The following CACNA1F variants were observed in gnomAD, a reference collection of about 807,000 sequenced individuals.
The protein encoded by CACNA1F is calcium voltage-gated channel subunit alpha1 F.
CACNA1F carries 59 observed loss-of-function variants against 143.8 expected under a neutral mutation model. The observed-to-expected ratio is 0.41, with a 90% confidence interval of 0.33 to 0.51. The LOEUF (loss-of-function observed/expected upper bound fraction) is 0.51, where lower values mean the gene tolerates loss of function less well. CACNA1F is among the 20% of genes least tolerant of loss of function. The probability of loss-of-function intolerance (pLI) is 0.22; values close to 1 mark genes in which losing one functional copy is unlikely to be tolerated. For missense variants in CACNA1F, 1,411 were observed against 1,647.5 expected (o/e 0.86, Z 2.48); for synonymous variants, 643 against 649.1 (o/e 0.99, Z 0.14).
Position 49,230,984 on chromosome X carries a change from C to A in CACNA1F, c.387G>T (p.Gln129His). 8.8e-7 allele frequency: 1 copy of A among 1,140,743 alleles called. No individual in the cohort carries two copies. The highest frequency in any genetic ancestry group is 1.2e-6 in the Non-Finnish European group (1 of 839,065). 94.0% of individuals were successfully genotyped at this position (1,140,743 alleles called of 1,213,427 possible). Residue 129 changes from glutamine to histidine, a missense_variant, in exon 4 of 48, where the codon CAG (glutamine) becomes CAT (histidine). Gln to His is a conservative substitution (Grantham distance 24, BLOSUM62 0). This residue lies in a region of CACNA1F where 950 missense variants were observed against 1,128.1 expected (regional missense o/e 0.84). Coordinates refer to ENST00000323022, the MANE Select transcript of CACNA1F (RefSeq NM_001256789.3). ...AAATCACCAGGAATACGTACTCCAC[C>A]TGCTCCTGGGGGTGGGACCGGGGGG... ...DSNTANHNLE[Q>H]VEYVFLVIFT... is the part of the protein sequence containing the mutation.
chrX:49,219,623 C>T lies in CACNA1F; in HGVS notation c.2543+11G>A, dbSNP rs367587853. ...CCTCCTGCCTCACCCCCTGCCACTT[C>T]CGGCACTCACGGGTTGGTTTGGCTG... On this transcript the variant is annotated intron_variant, in intron 20 of 47. Transcript: ENST00000323022. The T allele has an allele frequency of 8.4e-6, 10 of 1,196,387 alleles. No homozygotes were observed. Among genetic ancestry groups the T allele is most frequent in the East Asian group, 3.0e-5 (1 of 33,095 alleles).
Position 49,209,661 on chromosome X carries a change from C to T in CACNA1F, c.4789G>A (p.Asp1597Asn). The change falls in exon 41 of 48, where the codon GAC becomes AAC. Residue 1597 changes from aspartate (D) to asparagine (N), a missense_variant. Physicochemically the swap from Asp to Asn is conservative, Grantham distance 23. Transcript: ENST00000323022. Reference sequence around the variant, plus strand: ...GCGGAAGAGGTGCTAGGGGCGGCGTCGTTGCCTAGTAGCCCTTTTTCTTTC... The same window carrying T: ...GCGGAAGAGGTGCTAGGGGCGGCGTTGTTGCCTAGTAGCCCTTTTTCTTTC... The part of the protein sequence containing the change: ...RRKEKGLLGN[D>N]AAPSTSSALQ... 2 of 1,210,929 alleles carry T rather than the reference C, an allele frequency of 1.7e-6. No individual in the cohort carries two copies. The highest frequency in any genetic ancestry group is 5.9e-5 in the East Asian group (2 of 33,805).
chrX:49,217,220 A>G (rs1170561089), intron 26 of CACNA1F, among the ~76,000 whole-genome samples: 2 of 112,588 alleles, frequency 1.8e-5, no homozygotes, highest in Non-Finnish European at 3.8e-5. Context: ...TGGCCTCCCA[A>G]AGTGCTGGGA....
intron 27 of CACNA1F, among the ~76,000 whole-genome samples, chrX:49,215,787 C>A (rs1293814380): frequency 9.1e-6 from 1 of 109,853 alleles, no homozygotes; most frequent in African/African-American, 3.3e-5. Context: ...TAGAGTCCTC[C>A]AGAGAATCTC....
Position 49,222,581 on chromosome X carries a change from A to T in CACNA1F, c.2229T>A (p.Leu743=), listed in dbSNP as rs2065783660. ...CGNYILLNVF[L]AIAVDNLASG... is the part of the protein sequence containing the mutation. ...TGGCCAGGTTGTCCACAGCAATGGC[A>T]AGAAACACGTTCAACAGGATGTCTG... is the stretch of plus-strand genomic sequence containing the variant. The change falls in exon 17 of 48, where the codon CTT becomes CTA. Residue 743 remains leucine (L), a synonymous_variant. Transcript: ENST00000323022. 2.5e-6 allele frequency: 3 copies of T among 1,211,137 alleles called. No individual in the cohort carries two copies. Among genetic ancestry groups the T allele is most frequent in the Non-Finnish European group, 3.4e-6 (3 of 895,152 alleles).
intron 46 of CACNA1F, 92 bp downstream of exon 46, chrX:49,206,419 A>G (rs959141405): frequency 4.0e-5 from 17 of 420,056 alleles, no homozygotes; most frequent in Non-Finnish European, 6.5e-5. Flanking sequence ...AAAAAAAAAA[A>G]GGGCCTGATA....
chrX:49,219,864 G>A (rs2065760233), intron 19 of CACNA1F, 74 bp from the exon 20 acceptor site: 2 of 627,918 alleles, frequency 3.2e-6, no homozygotes, highest in South Asian at 2.4e-5. Flanking sequence ...TGTTTGCCAC[G>A]TGGTCAATTC....
Position 49,214,183 on chromosome X carries a change from G to T in CACNA1F, c.3684C>A (p.Leu1228=). ...CCTTGGGCTTGAAGGCGATGATTTT[G>T]AGCACCATCTCAATAGTGAAGAGGC... The part of the protein sequence containing the change: ...FTGLFTIEMV[L]KIIAFKPKHY... Residue 1228 remains leucine (L), a synonymous_variant, in exon 30 of 48, where the codon CTC becomes CTA. Transcript: ENST00000323022. 8.3e-7 allele frequency: 1 copy of T among 1,201,229 alleles called. No homozygotes were observed. Among genetic ancestry groups the T allele is most frequent in the Non-Finnish European group, 1.1e-6 (1 of 885,597 alleles).
rs370289514 is a variant in CACNA1F at position 49,228,095 on chromosome X, C to G, written c.1059G>C (p.Val353=). 8.3e-7 allele frequency: 1 copy of G among 1,210,739 alleles called. No individual in the cohort carries two copies. The highest frequency in any genetic ancestry group is 1.1e-6 in the Non-Finnish European group (1 of 894,687). The change falls in exon 8 of 48, where the codon GTG becomes GTC. Residue 353 remains valine, a synonymous_variant. Coordinates refer to ENST00000323022, the MANE Select transcript of CACNA1F (RefSeq NM_001256789.3). ...MGYELPWVYF[V]SLVIFGSFFV... ...AGAAGGACCCAAAGATGACAAGGCT[C>G]ACAAAGTACACCCAGGGCAGTTCAT...
intron 26 of CACNA1F, 39 bp downstream of exon 26, chrX:49,217,716 G>A (rs2065731745): frequency 1.7e-6 from 2 of 1,144,838 alleles, no homozygotes; most frequent in African/African-American, 3.6e-5. Flanking sequence ...TTTGGGAGGG[G>A]TCCTGAGCTC....
At chrX:49,226,147 T>G in intron 12 of CACNA1F, 70 bp downstream of exon 12, 1 of 1,118,664 alleles carries the variant, frequency 8.9e-7, no homozygotes, top group African/African-American at 1.8e-5. Context: ...GATCCAAAGG[T>G]CATGAGGGCT....
rs1390931714 is a variant in CACNA1F at position 49,216,414 on chromosome X, C to T, written c.3204G>A (p.Leu1068=). 9.9e-6 allele frequency: 12 copies of T among 1,209,382 alleles called. No individual in the cohort carries two copies. Among genetic ancestry groups the T allele is most frequent in the Non-Finnish European group, 1.3e-5 (12 of 894,558 alleles). Residue 1068 remains leucine (L), a synonymous_variant, in exon 27 of 48, where the codon CTG becomes CTA. Coordinates refer to ENST00000323022, the MANE Select transcript of CACNA1F (RefSeq NM_001256789.3). ...FDNVLSAMMA[L]FTVSTFEGWP... is the part of the protein sequence containing the mutation. ...AGCCTTCAAAGGTGGAGACAGTGAA[C>T]AGGGCCATCATGGCTGAAAGGACAT... is the stretch of plus-strand genomic sequence containing the variant.
rs2065720514 is a variant in CACNA1F, at chrX:49,216,660, C to T, written c.3090-132G>A. On this transcript the variant is annotated intron_variant, in intron 26 of 47. Coordinates refer to ENST00000323022, the MANE Select transcript of CACNA1F (RefSeq NM_001256789.3). ...GTTCTAGGTTCAAATCCTGTCCCTC[C>T]ATGTCCTGGCTGGGTGACCTTGCGC... The T allele has an allele frequency of 1.9e-5, 11 of 565,367 alleles. No individual in the cohort carries two copies. The South Asian group carries it at 3.5e-4, about 18-fold the overall frequency. The allele number at this position is 565,367 out of a possible 1,213,427, so 46.6% of individuals were successfully genotyped here.
Position 49,226,483 on chromosome X carries a change from G to A in CACNA1F, c.1389C>T (p.Asp463=). The change falls in exon 11 of 48, where the codon GAC becomes GAT. Residue 463 remains aspartate (D), a synonymous_variant. Transcript: ENST00000323022. The stretch of plus-strand genomic sequence containing the variant: ...CTTGGGTCTCTGTCATGGAACCGGT[G>A]TCACTGGCTGGGAGGCTGGCTGTAG... ...TSSHASLPAS[D]TGSMTETQGD... 5 of 1,189,982 alleles carry A rather than the reference G, an allele frequency of 4.2e-6. No individual in the cohort carries two copies. Among genetic ancestry groups the A allele is most frequent in the Non-Finnish European group, 5.7e-6 (5 of 883,974 alleles).
At chrX:49,226,746 A>G in intron 9 of CACNA1F, 44 bp from the exon 10 acceptor site, 2 of 1,082,348 alleles carry the variant, frequency 1.8e-6, no homozygotes, top group East Asian at 3.3e-5. Flanking sequence ...TACTGGGGGC[A>G]GGGTTAGGGC....
Position 49,209,637 on chromosome X carries a change from C to T in CACNA1F, c.4813G>A (p.Ala1605Thr), listed in dbSNP as rs377551754. 17 of 1,209,866 alleles carry T rather than the reference C, an allele frequency of 1.4e-5. No individual in the cohort carries two copies. The highest frequency in any genetic ancestry group is 1.7e-5 in the African/African-American group (1 of 57,429). ...GNDAAPSTSSALQAGLRSLQD... is the reference protein window; with the variant it reads ...GNDAAPSTSSTLQAGLRSLQD... The stretch of plus-strand genomic sequence containing the variant: ...GGCCCTGCCCCGAAGACCTGAAGGG[C>T]GGAAGAGGTGCTAGGGGCGGCGTCG... The change falls in exon 41 of 48, where the codon GCC becomes ACC. Residue 1605 changes from alanine to threonine, a missense_variant. By Grantham distance (58) the Ala-to-Thr change is moderately conservative. Around this residue, in one of 3 missense-constraint regions of CACNA1F, gnomAD observed 349 missense variants for 350.2 expected, o/e 1.00. Coordinates refer to ENST00000323022, the MANE Select transcript of CACNA1F (RefSeq NM_001256789.3).
At position 49,212,647 on chromosome X, in the gene CACNA1F, G is replaced by A; in HGVS notation, c.3942+20C>T. 8.3e-7 allele frequency: 1 copy of A among 1,207,825 alleles called. No individual in the cohort carries two copies. On this transcript the variant is annotated intron_variant, in intron 33 of 47. Transcript: ENST00000323022. ...GAAATGGGGGCGAGGTATGGTCAAA[G>A]GGATGGGGTAGGGGATTACCTGGAA...
rs202122178 is a variant in CACNA1F, at chrX:49,222,814, C to T, written c.2110G>A (p.Val704Met). ...GCCATGATACCATCATACATGACCA[C>T]GTTCCAGTCCTCACCTGTCAGGATC... The part of the protein sequence containing the change: ...FQILTGEDWN[V>M]VMYDGIMAYG... The change falls in exon 16 of 48, where the codon GTG becomes ATG. Residue 704 changes from valine to methionine, a missense_variant. By Grantham distance (21) the Val-to-Met change is conservative. Coordinates refer to ENST00000323022, the MANE Select transcript of CACNA1F (RefSeq NM_001256789.3). 1.2e-5 allele frequency: 15 copies of T among 1,209,147 alleles called. No individual in the cohort carries two copies. Among genetic ancestry groups the T allele is most frequent in the Admixed American group, 8.8e-5 (4 of 45,657 alleles).
chrX:49,231,703 A>T lies in CACNA1F; in HGVS notation c.250T>A (p.Ser84Thr). ...CLTLANPLRRSCISIVEWKPF... is the reference protein window; with the variant it reads ...CLTLANPLRRTCISIVEWKPF... ...TTCCACTCCACGATGCTGATGCAGG[A>T]CCGTCGCAGAGGATTGGCCAGGGTG... Residue 84 changes from serine (S) to threonine (T), a missense_variant, in exon 2 of 48, where the codon TCC (serine) becomes ACC (threonine). By Grantham distance (58) the Ser-to-Thr change is moderately conservative. Transcript: ENST00000323022. 1 of 1,211,771 alleles carries T rather than the reference A, an allele frequency of 8.3e-7. No homozygotes were observed. Among genetic ancestry groups the T allele is most frequent in the Non-Finnish European group, 1.1e-6 (1 of 895,512 alleles).
Sources: allele counts gnomAD v4.1 joint callset (sites outside exome capture counted in the v4.1 genomes callset), GRCh38; gene constraint gnomAD v4.1.1; regional missense constraint gnomAD v4.1.1; transcripts MANE v1.5; gene names NCBI Gene and HGNC (gene_info 2026-07-23, HGNC 2026-07-21).